The following ADAM12 variants were observed in gnomAD, a reference collection of about 807,000 sequenced individuals.
ADAM12 encodes the protein disintegrin and metalloproteinase domain-containing protein 12.
A neutral mutation model predicts 106.4 loss-of-function variants in ADAM12; 70 were observed. The ratio of observed to expected loss-of-function variants is 0.66; its 90% CI spans 0.54 to 0.80. The LOEUF is 0.80. ADAM12 is among the 30% of genes least tolerant of loss of function. The pLI is 0.00. For missense variants in ADAM12, 1,010 were observed against 1,171.9 expected (o/e 0.86, Z 2.02); for synonymous variants, 420 against 433.5 (o/e 0.97, Z 0.39).
At chr10:126,145,698 G>T (rs1956613885) in intron 4 of ADAM12, 2 of 152,210 alleles carry the variant, frequency 1.3e-5, no homozygotes, top group Admixed American at 1.3e-4. Context: ...TATAAAGATA[G>T]CAAGAACTGA....
In ADAM12 at chr10:126,015,191, C is replaced by G. The variant is rs1200832335; in HGVS notation, c.*2088G>C. On this transcript the variant is annotated 3_prime_UTR_variant, in exon 23 of 23. Transcript: ENST00000448723. ...GGCATAAGATCACAGTTTTAACCTC[C>G]TTTAATATCAAACTCTCCTGGCTCT... The G allele has an allele frequency of 6.6e-6, 1 of 152,168 alleles. No homozygotes were observed. The highest frequency in any genetic ancestry group is 2.4e-5 in the African/African-American group (1 of 41,444). 9.4% of individuals were successfully genotyped at this position (152,168 alleles called of 1,614,324 possible).
intron 1 of ADAM12, among the ~76,000 whole-genome samples, chr10:126,379,397 T>C (rs1184267081): frequency 1.3e-5 from 2 of 152,160 alleles, no homozygotes; most frequent in East Asian, 1.9e-4. Context: ...TGCAGGGACA[T>C]GGATGAAGCT....
intron 12 of ADAM12, among the ~76,000 whole-genome samples, chr10:126,069,927 A>G (rs1954953250): frequency 6.6e-6 from 1 of 152,126 alleles, no homozygotes; most frequent in African/African-American, 2.4e-5. Flanking sequence ...TGCTGGTGGC[A>G]TATGGAGTAA....
At chr10:126,020,853 A>G (rs1953751686) in intron 21 of ADAM12, among the ~76,000 whole-genome samples, 1 of 151,990 alleles carries the variant, frequency 6.6e-6, no homozygotes, top group African/African-American at 2.4e-5. Context: ...TTAGCCTAGC[A>G]TGGTGGCACA....
chr10:126,028,899 A>G (rs187659754), intron 21 of ADAM12, among the ~76,000 whole-genome samples: 173 of 152,308 alleles, frequency 1.1e-3, no homozygotes, highest in Non-Finnish European at 1.3e-3. Context: ...GCTAGCATCT[A>G]TAAGGAATTT....
intron 10 of ADAM12, 148 bp downstream of exon 10, chr10:126,098,268 T>C (rs746111698): frequency 2.2e-5 from 15 of 668,772 alleles, no homozygotes; most frequent in Non-Finnish European, 3.5e-5. Flanking sequence ...GTGGGATATA[T>C]AAAATTATAA....
At position 126,158,854 on chromosome 10, in the gene ADAM12, TG is replaced by T. The variant is rs376260822; in HGVS notation, c.261-3550del. On this transcript the variant is annotated intron_variant, in intron 3 of 22. Coordinates refer to ENST00000448723, the MANE Select transcript of ADAM12 (RefSeq NM_001288973.2). ...CGGGGAGTAGATGCACAGAGCACGG[TG>T]GGGAGGGTGCGCAGAGCATGGGGAG... 5.8e-3 allele frequency among the ~76,000 whole-genome samples: 426 copies of T among 73,424 alleles called. 2 individuals carry two copies. Among genetic ancestry groups the T allele is most frequent in the African/African-American group, 0.023 (415 of 17,952 alleles). 48.2% of individuals were successfully genotyped at this position (73,424 alleles called of 152,430 possible). A position where few individuals can be genotyped will look rare whatever the true frequency, so the allele number is the denominator to read the frequency against.
chr10:126,146,922 C>T (rs867639358), intron 4 of ADAM12, among the ~76,000 whole-genome samples: 7 of 152,144 alleles, frequency 4.6e-5, no homozygotes, highest in East Asian at 1.9e-4. Flanking sequence ...CTTTTCATCT[C>T]GATTAGATGC....
intron 2 of ADAM12, among the ~76,000 whole-genome samples, chr10:126,329,025 T>C (rs1230934924): frequency 1.3e-5 from 2 of 151,904 alleles, no homozygotes; most frequent in Non-Finnish European, 2.9e-5. Flanking sequence ...GGCAGGCCCA[T>C]AGCCCTCAGC....
rs1590362632 is a variant in ADAM12, at chr10:126,066,910, G to A, written c.1324-104C>T. On this transcript the variant is annotated intron_variant, in intron 12 of 22. Transcript: ENST00000448723. The surrounding 1 kb of genome is among the most constrained non-coding windows in gnomAD (Gnocchi z 5.1). ...GGCTGCAAAAAGCAAGAAAGACCAAGAGGGCCCAGCTCCTGAACTGCACAC... is the reference window on the plus strand; with the variant it reads ...GGCTGCAAAAAGCAAGAAAGACCAAAAGGGCCCAGCTCCTGAACTGCACAC... The A allele has an allele frequency of 1.8e-6, 2 of 1,101,198 alleles. No homozygotes were observed. The highest frequency in any genetic ancestry group is 2.7e-6 in the Non-Finnish European group (2 of 741,922). The allele number at this position is 1,101,198 out of a possible 1,614,324, so 68.2% of individuals were successfully genotyped here.
chr10:126,300,491 T>G (rs1960572670), intron 2 of ADAM12, among the ~76,000 whole-genome samples: 1 of 152,320 alleles, frequency 6.6e-6, no homozygotes, highest in South Asian at 2.1e-4. Flanking sequence ...GCATTACTGT[T>G]TAACAACTTG....
intron 1 of ADAM12, among the ~76,000 whole-genome samples, chr10:126,383,255 G>A (rs777707675): frequency 3.3e-5 from 5 of 152,020 alleles, no homozygotes; most frequent in Non-Finnish European, 5.9e-5. Flanking sequence ...ATGAGCTACC[G>A]TGCCCAGCCA....
At chr10:126,229,258 G>T (rs1958260864) in intron 3 of ADAM12, among the ~76,000 whole-genome samples, 1 of 152,120 alleles carries the variant, frequency 6.6e-6, no homozygotes, top group Non-Finnish European at 1.5e-5. Flanking sequence ...ATTATCAATT[G>T]GCCTGAAAGT....
intron 3 of ADAM12, among the ~76,000 whole-genome samples, chr10:126,157,047 C>T (rs1419935713): frequency 6.6e-6 from 1 of 152,048 alleles, no homozygotes; most frequent in East Asian, 1.9e-4. Context: ...GGGTGCTCCT[C>T]CACTCTTGAT....
rs573698489 is a variant in ADAM12 at position 126,338,789 on chromosome 10, G to C, written c.89-8280C>G. Among the ~76,000 whole-genome samples, 196 of 152,210 alleles carry C rather than the reference G, an allele frequency of 1.3e-3. 1 individual carries two copies. The highest frequency in any genetic ancestry group is 4.8e-3 in the Admixed American group (73 of 15,284). On this transcript the variant is annotated intron_variant, in intron 1 of 22. Transcript: ENST00000448723. ...TTACCTTGCAAGAAATGATGTAAGG[G>C]GAAAATGAAACTAATTGTTAAAATG... is the stretch of plus-strand genomic sequence containing the variant.
intron 1 of ADAM12, among the ~76,000 whole-genome samples, chr10:126,337,243 G>A (rs953460728): frequency 6.6e-6 from 1 of 152,186 alleles, no homozygotes; most frequent in Non-Finnish European, 1.5e-5. Context: ...GCCAAAGGTT[G>A]GGAAGCCACT....
chr10:126,228,207 A>G (rs1291942388), intron 3 of ADAM12, among the ~76,000 whole-genome samples: 2 of 152,244 alleles, frequency 1.3e-5, no homozygotes, highest in Non-Finnish European at 2.9e-5. Context: ...GAAAGTTCAC[A>G]AAGTCGTAAC....
intron 2 of ADAM12, among the ~76,000 whole-genome samples, chr10:126,323,576 C>A (rs1460972072): frequency 6.6e-6 from 1 of 152,218 alleles, no homozygotes; most frequent in Non-Finnish European, 1.5e-5. Context: ...AGTCAACAAG[C>A]ATCCTGCAAT....
At chr10:126,198,713 C>T (rs1002729804) in intron 3 of ADAM12, among the ~76,000 whole-genome samples, 1 of 152,196 alleles carries the variant, frequency 6.6e-6, no homozygotes, top group Non-Finnish European at 1.5e-5. Flanking sequence ...TACAAACAGA[C>T]TCAGTTTTCA....
Sources: allele counts gnomAD v4.1 joint callset (sites outside exome capture counted in the v4.1 genomes callset), GRCh38; gene constraint gnomAD v4.1.1; non-coding constraint Gnocchi (gnomAD v3.1); transcripts MANE v1.5; gene names NCBI Gene and HGNC (gene_info 2026-07-23, HGNC 2026-07-21).